Variants in TRIO observed in about 807,000 individuals in gnomAD.
TRIO encodes trio Rho guanine nucleotide exchange factor.
In TRIO, 58 loss-of-function variants were observed where a neutral mutation model predicts 351.9. That is an observed-to-expected ratio of 0.16 (90% CI 0.13 to 0.21). The LOEUF (loss-of-function observed/expected upper bound fraction) is 0.21. Among genes scored for constraint, TRIO ranks in the 10% least tolerant of loss-of-function variants. The pLI, the probability that TRIO is intolerant of heterozygous loss-of-function variation, is 1.00. For synonymous variants in TRIO, 1,758 were observed against 1,595.7 expected, an observed-to-expected ratio of 1.10 and a Z score of -2.42; for missense variants, 3,201 against 4,027.8, an observed-to-expected ratio of 0.79 and a Z score of 5.56.
At chr5:14,249,775 A>C (rs1794634899) in intron 1 of TRIO, among the ~76,000 whole-genome samples, 1 of 152,154 alleles carries the variant, frequency 6.6e-6, no homozygotes, top group Non-Finnish European at 1.5e-5. Context: ...ATTGGTTTAA[A>C]AACCTGCATC....
intron 1 of TRIO, among the ~76,000 whole-genome samples, chr5:14,157,092 C>G (rs976192302): frequency 2.7e-5 from 4 of 150,442 alleles, no homozygotes; most frequent in Admixed American, 2.6e-4. Flanking sequence ...ATGGGTCGAG[C>G]GGACCTTTCT....
chr5:14,225,523 G>A (rs1561222892), intron 1 of TRIO, among the ~76,000 whole-genome samples: 1 of 152,062 alleles, frequency 6.6e-6, no homozygotes, highest in Non-Finnish European at 1.5e-5. Context: ...TGTGGTTGTA[G>A]GACTGAGGTC....
chr5:14,265,450 T>C (rs116692139), intron 1 of TRIO, among the ~76,000 whole-genome samples: 1 of 152,226 alleles, frequency 6.6e-6, no homozygotes, highest in Non-Finnish European at 1.5e-5. Flanking sequence ...TAAAAAATTT[T>C]AAAATTTGAT....
chr5:14,209,634 G>A (rs1428214018), intron 1 of TRIO, among the ~76,000 whole-genome samples: 2 of 152,200 alleles, frequency 1.3e-5, no homozygotes, highest in South Asian at 2.1e-4. Flanking sequence ...CAGACACCCT[G>A]TTAGCTGGAT....
intron 11 of TRIO, among the ~76,000 whole-genome samples, chr5:14,352,233 T>A (rs1409946094): frequency 1.3e-5 from 2 of 152,180 alleles, no homozygotes; most frequent in African/African-American, 4.8e-5. Context: ...TGGGCACCTC[T>A]CAGCACTAGA....
intron 1 of TRIO, among the ~76,000 whole-genome samples, 154 bp from the exon 2 acceptor site, chr5:14,270,671 G>A (rs1182073638): frequency 2.6e-5 from 4 of 152,162 alleles, no homozygotes; most frequent in African/African-American, 4.8e-5. Flanking sequence ...TGTGATCACA[G>A]ACATGGAATT....
intron 11 of TRIO, among the ~76,000 whole-genome samples, chr5:14,344,594 A>G (rs112744160): frequency 0.021 from 3,241 of 152,218 alleles, 112 homozygotes; most frequent in African/African-American, 0.074. Flanking sequence ...GCTGCTGGCC[A>G]GTGTTCTTTT....
intron 34 of TRIO, 75 bp from the exon 35 acceptor site, chr5:14,460,944 G>A (rs954618592): frequency 2.1e-6 from 3 of 1,438,156 alleles, no homozygotes; most frequent in South Asian, 1.5e-5. Flanking sequence ...CCTGCAGCCT[G>A]CGGGATAATG....
intron 41 of TRIO, among the ~76,000 whole-genome samples, chr5:14,478,466 CAG>C (rs1423209029): frequency 6.6e-6 from 1 of 152,162 alleles, no homozygotes. Context: ...TGAAAGGACT[CAG>C]GGGGCCCTGG....
intron 11 of TRIO, among the ~76,000 whole-genome samples, chr5:14,352,381 A>G (rs1413057836): frequency 6.6e-6 from 1 of 152,242 alleles, no homozygotes; most frequent in Non-Finnish European, 1.5e-5. Flanking sequence ...CTGCTGGGCA[A>G]AGATTTATCT....
At chr5:14,427,485 G>C (rs1295440526) in intron 34 of TRIO, among the ~76,000 whole-genome samples, 2 of 152,180 alleles carry the variant, frequency 1.3e-5, no homozygotes, top group Non-Finnish European at 2.9e-5. Flanking sequence ...GGATACGCCG[G>C]TGCTGTTTCC....
rs1222101904 is a variant in TRIO at position 14,322,299 on chromosome 5, G to A, written c.1731+5556G>A. Among the ~76,000 whole-genome samples the A allele has an allele frequency of 3.9e-5, 6 of 152,318 alleles. No homozygotes were observed. In the South Asian group the frequency reaches 1.0e-3, roughly 26 times the overall value. Reference sequence around the variant, plus strand: ...ATGGGGGAGGGTTGGTCTTATATCTGGGAGATCTGCCTGAAGGAATGGAAT... The same window carrying A: ...ATGGGGGAGGGTTGGTCTTATATCTAGGAGATCTGCCTGAAGGAATGGAAT... On this transcript the variant is annotated intron_variant, in intron 9 of 56. Coordinates refer to ENST00000344204, the MANE Select transcript of TRIO (RefSeq NM_007118.4).
chr5:14,309,025 C>CCAGCCACT (rs1296421340), intron 8 of TRIO, among the ~76,000 whole-genome samples: 1 of 152,060 alleles, frequency 6.6e-6, no homozygotes. Flanking sequence ...ACGCAGTCAC[C>CCAGCCACT]CAGCCACTCA....
chr5:14,359,333 C>G (rs758963264), intron 12 of TRIO, 24 bp from the exon 13 acceptor site: 2 of 1,598,180 alleles, frequency 1.3e-6, no homozygotes. Flanking sequence ...CATCCAATTC[C>G]TGTTCCTCTG....
intron 34 of TRIO, among the ~76,000 whole-genome samples, chr5:14,422,603 G>T (rs938986624): frequency 1.3e-5 from 2 of 152,202 alleles, no homozygotes. Context: ...TTCACGTGGT[G>T]GTTTTGAAGC....
At chr5:14,381,687 C>A (rs56263069) in intron 21 of TRIO, among the ~76,000 whole-genome samples, 3 of 152,130 alleles carry the variant, frequency 2.0e-5, no homozygotes, top group Non-Finnish European at 4.4e-5. Context: ...CTGTTACAGT[C>A]GTGTTGCTCA....
intron 4 of TRIO, among the ~76,000 whole-genome samples, chr5:14,290,397 G>A (rs374948956): frequency 6.6e-6 from 1 of 152,198 alleles, no homozygotes; most frequent in African/African-American, 2.4e-5. Flanking sequence ...CTAGTTTAAT[G>A]TGTCTGTTAT....
intron 3 of TRIO, among the ~76,000 whole-genome samples, chr5:14,283,756 T>G (rs1736206191): frequency 6.6e-6 from 1 of 152,022 alleles, no homozygotes; most frequent in South Asian, 2.1e-4. Flanking sequence ...CCCTGCCCTT[T>G]TTTTTTTAAA....
Position 14,293,190 on chromosome 5 carries a change from A to G in TRIO, c.1176+56A>G, listed in dbSNP as rs1737055545. On this transcript the variant is annotated intron_variant, in intron 6 of 56. Transcript: ENST00000344204. ...ATGTGACAGTGTTTTAGCAAATGGGAGGCATTTGGCAAATTGTATGCTAGG... is the reference window on the plus strand; with the variant it reads ...ATGTGACAGTGTTTTAGCAAATGGGGGGCATTTGGCAAATTGTATGCTAGG... 6 of 1,610,990 alleles carry G rather than the reference A, an allele frequency of 3.7e-6. No homozygotes were observed. The Admixed American group carries it at 1.0e-4, about 27-fold the overall frequency.
Sources: allele counts gnomAD v4.1 joint callset (sites outside exome capture counted in the v4.1 genomes callset), GRCh38; gene constraint gnomAD v4.1.1; transcripts MANE v1.5; gene names NCBI Gene and HGNC (gene_info 2026-07-23, HGNC 2026-07-21).